The following CAMKMT variants were observed in gnomAD, a reference collection of about 807,000 sequenced individuals.
CAMKMT encodes the protein calmodulin-lysine N-methyltransferase, also known as CaM KMT.
In CAMKMT, 53 loss-of-function variants were observed where a neutral mutation model predicts 48.0. The observed-to-expected ratio is 1.10, with a 90% confidence interval of 0.89 to 1.39. The LOEUF (loss-of-function observed/expected upper bound fraction) is 1.39, where lower values mean the gene tolerates loss of function less well. Ranked by LOEUF, CAMKMT falls within the 40% of genes most tolerant of loss-of-function variation. CAMKMT has a pLI of 0.00. For synonymous variants in CAMKMT, 165 were observed against 152.3 expected (o/e 1.08, Z -0.61); for missense variants, 428 against 402.7 (o/e 1.06, Z -0.54).
intron 3 of CAMKMT, among the ~76,000 whole-genome samples, chr2:44,617,781 C>T (rs1391916677): frequency 1.3e-5 from 2 of 152,066 alleles, no homozygotes; most frequent in African/African-American, 2.4e-5. Context: ...AGTGAGCATT[C>T]GTGACTTCTG....
intron 1 of CAMKMT, among the ~76,000 whole-genome samples, chr2:44,371,098 C>A (rs1679133765): frequency 6.6e-6 from 1 of 152,206 alleles, no homozygotes; most frequent in African/African-American, 2.4e-5. Flanking sequence ...GATTCTCCTG[C>A]CTCAGCCTCC....
chr2:44,563,002 T>C (rs1287286907), intron 3 of CAMKMT, among the ~76,000 whole-genome samples: 1 of 152,248 alleles, frequency 6.6e-6, no homozygotes, highest in Non-Finnish European at 1.5e-5. Flanking sequence ...AAAGGTTTTT[T>C]CTTTTTTAAC....
chr2:44,450,432 A>T (rs1393657998), intron 3 of CAMKMT, among the ~76,000 whole-genome samples: 1 of 152,158 alleles, frequency 6.6e-6, no homozygotes, highest in African/African-American at 2.4e-5. Context: ...AGTTTTGAAG[A>T]TCTTAGCGTT....
chr2:44,391,832 C>A (rs139591401), intron 3 of CAMKMT: 1 of 153,040 alleles, frequency 6.5e-6, no homozygotes, highest in African/African-American at 2.4e-5. Flanking sequence ...CATGAACAAA[C>A]GGAAATATTG....
intron 3 of CAMKMT, among the ~76,000 whole-genome samples, chr2:44,550,244 T>TA (rs1448628437): frequency 2.6e-5 from 4 of 151,586 alleles, no homozygotes; most frequent in African/African-American, 9.7e-5. Flanking sequence ...TACAAATCAT[T>TA]AAAAAAATTA....
At chr2:44,484,687 A>G (rs1053823290) in intron 3 of CAMKMT, among the ~76,000 whole-genome samples, 1 of 70,950 alleles carries the variant, frequency 1.4e-5, no homozygotes, top group African/African-American at 5.9e-5. Context: ...TATCTTAAAT[A>G]GGACAAAAAA....
intron 2 of CAMKMT, among the ~76,000 whole-genome samples, chr2:44,377,990 C>G (rs985722058): frequency 2.6e-5 from 4 of 152,106 alleles, no homozygotes; most frequent in Non-Finnish European, 4.4e-5. Context: ...GTAGTATAAC[C>G]TAGGTACGTA....
chr2:44,655,121 T>C (rs930375406), intron 3 of CAMKMT, among the ~76,000 whole-genome samples: 1 of 152,100 alleles, frequency 6.6e-6, no homozygotes, highest in Admixed American at 6.5e-5. Flanking sequence ...GAGTGGAAAA[T>C]AGGAATTTTT....
At chr2:44,523,704 C>T (rs1430798611) in intron 3 of CAMKMT, among the ~76,000 whole-genome samples, 1 of 151,488 alleles carries the variant, frequency 6.6e-6, no homozygotes, top group East Asian at 1.9e-4. Flanking sequence ...TGTATATGAC[C>T]TCTATGGGGC....
At chr2:44,636,989 T>C (rs748187488) in intron 3 of CAMKMT, among the ~76,000 whole-genome samples, 2 of 152,154 alleles carry the variant, frequency 1.3e-5, no homozygotes, top group African/African-American at 2.4e-5. Flanking sequence ...TGGCAGTAGA[T>C]AGAACAGTAC....
chr2:44,467,013 G>T (rs1167700178), intron 3 of CAMKMT, among the ~76,000 whole-genome samples: 1 of 152,166 alleles, frequency 6.6e-6, no homozygotes, highest in Non-Finnish European at 1.5e-5. Context: ...CACCTTGGGA[G>T]GCCAATACAG....
At chr2:44,410,254 T>TATATATATAG (rs1683109761) in intron 3 of CAMKMT, among the ~76,000 whole-genome samples, 1 of 78,206 alleles carries the variant, frequency 1.3e-5, no homozygotes, top group Non-Finnish European at 2.8e-5. Flanking sequence ...TATATTTTTT[T>TATATATATAG]TTTTTTTTTT....
chr2:44,701,712 G>T (rs966317564), intron 3 of CAMKMT, among the ~76,000 whole-genome samples: 3 of 152,172 alleles, frequency 2.0e-5, no homozygotes, highest in Non-Finnish European at 4.4e-5. Flanking sequence ...TGTCTGTCAA[G>T]AGGAAACTGG....
intron 3 of CAMKMT, among the ~76,000 whole-genome samples, chr2:44,655,854 G>A (rs1674350936): frequency 6.6e-6 from 1 of 152,116 alleles, no homozygotes. Context: ...TAATGGCCTT[G>A]GAATCTGGAG....
intron 3 of CAMKMT, among the ~76,000 whole-genome samples, chr2:44,566,179 C>G (rs774191827): frequency 2.0e-5 from 3 of 152,176 alleles, no homozygotes; most frequent in Non-Finnish European, 4.4e-5. Context: ...ACTACTCTGG[C>G]ATGAATCATA....
chr2:44,387,094 G>A (rs1680848128), intron 2 of CAMKMT, among the ~76,000 whole-genome samples: 1 of 152,230 alleles, frequency 6.6e-6, no homozygotes, highest in South Asian at 2.1e-4. Context: ...TTGATGACCT[G>A]TCTAGTGCTG....
chr2:44,557,946 C>G (rs1332565790), intron 3 of CAMKMT, among the ~76,000 whole-genome samples: 1 of 152,134 alleles, frequency 6.6e-6, no homozygotes, highest in Non-Finnish European at 1.5e-5. Context: ...TTATCAGGAC[C>G]CTGATTGGCA....
At chr2:44,406,121 T>C (rs902004194) in intron 3 of CAMKMT, among the ~76,000 whole-genome samples, 1 of 152,136 alleles carries the variant, frequency 6.6e-6, no homozygotes, top group East Asian at 1.9e-4. Flanking sequence ...AAGAAATGTA[T>C]TGGAAAGATA....
In CAMKMT at chr2:44,362,093, G is replaced by T; in HGVS notation, c.86G>T (p.Gly29Val). The T allele has an allele frequency of 1.4e-6, 2 of 1,464,086 alleles. No homozygotes were observed. The highest frequency in any genetic ancestry group is 1.4e-5 in the South Asian group (1 of 72,896). The allele number at this position is 1,464,086 out of a possible 1,614,324, so 90.7% of individuals were successfully genotyped here. ...CCGGCAGTTGGCTGCACCACTCGGG[G>T]GCCCGTAGTCTCGGCGCCCCTGGGA... Reference protein sequence around the residue: ...GSPAVGCTTRGPVVSAPLGAA... With the variant: ...GSPAVGCTTRVPVVSAPLGAA... The change falls in exon 1 of 11, where the codon GGG (glycine) becomes GTG (valine). Residue 29 changes from glycine (G) to valine (V), a missense_variant. By Grantham distance (109) the Gly-to-Val change is moderately radical. Transcript: ENST00000378494.
Sources: gnomAD v4.1 joint callset for allele counts (sites outside exome capture counted in the v4.1 genomes callset) on GRCh38, gnomAD v4.1.1 for gene constraint, MANE v1.5 for transcripts, NCBI Gene and HGNC (gene_info 2026-07-23, HGNC 2026-07-21) for gene names.